Variants in ACCS observed in about 807,000 individuals in gnomAD.
The protein encoded by ACCS is 1-aminocyclopropane-1-carboxylate synthase homolog (inactive).
Under a neutral mutation model 59.8 loss-of-function variants are expected in ACCS, and 42 were observed. The observed-to-expected ratio is 0.70, with a 90% confidence interval of 0.55 to 0.91. The LOEUF is 0.91. ACCS is among the 40% of genes least tolerant of loss of function. The pLI is 0.00. For missense variants in ACCS, 602 were observed against 630.4 expected, an observed-to-expected ratio of 0.95 and a Z score of 0.48; for synonymous variants, 230 against 240.3, an observed-to-expected ratio of 0.96 and a Z score of 0.40.
rs1953729959 is a variant in ACCS, at chr11:44,083,429, G to A, written c.1260G>A (p.Leu420=). The A allele has an allele frequency of 6.2e-7, 1 of 1,614,040 alleles. No homozygotes were observed. ...FFIWVDLRKY[L]PKGTFEEEML... is the part of the protein sequence containing the mutation. ...AGCCCCTTCCACCCTCTCAGTACCT[G>A]CCCAAGGGCACCTTTGAGGAGGAAA... The change falls in exon 14 of 15, where the codon CTG becomes CTA. Residue 420 remains leucine (L), a synonymous_variant. Transcript: ENST00000263776.
intron 5 of ACCS, among the ~76,000 whole-genome samples, 163 bp downstream of exon 5, chr11:44,074,844 A>G (rs1406727392): frequency 1.7e-5 from 2 of 115,500 alleles, no homozygotes; most frequent in Non-Finnish European, 3.4e-5. Flanking sequence ...TTATTTTTTC[A>G]GACTGACTCT....
intron 10 of ACCS, among the ~76,000 whole-genome samples, chr11:44,079,870 G>A (rs1953558183): frequency 6.6e-6 from 1 of 152,220 alleles, no homozygotes; most frequent in African/African-American, 2.4e-5. Flanking sequence ...AGGGCTGAGT[G>A]GATGGCAAAT....
chr11:44,072,207 G>C (rs1953086230), intron 3 of ACCS: 1 of 142,218 alleles, frequency 7.0e-6, no homozygotes, highest in Non-Finnish European at 1.5e-5. Flanking sequence ...GCCCAGGCTG[G>C]AGTGTAGTGG....
At chr11:44,075,881 A>G in intron 6 of ACCS, 1 of 358,802 alleles carries the variant, frequency 2.8e-6, no homozygotes, top group Non-Finnish European at 5.1e-6. Flanking sequence ...TAGAGCAGGA[A>G]GAAAGGGATG....
intron 2 of ACCS, among the ~76,000 whole-genome samples, chr11:44,070,383 G>A (rs910498665): frequency 3.9e-5 from 6 of 152,142 alleles, no homozygotes; most frequent in African/African-American, 1.2e-4. Flanking sequence ...GTTGGACTGT[G>A]CATGTGTTTT....
chr11:44,074,214 G>A (rs368272214), intron 4 of ACCS, among the ~76,000 whole-genome samples: 5 of 151,068 alleles, frequency 3.3e-5, no homozygotes, highest in East Asian at 1.9e-4. Context: ...AGTAGTAGCC[G>A]CATCATAGGA....
At chr11:44,073,940 G>A (rs1953186805) in intron 4 of ACCS, among the ~76,000 whole-genome samples, 1 of 152,196 alleles carries the variant, frequency 6.6e-6, no homozygotes, top group African/African-American at 2.4e-5. Flanking sequence ...AAGAGGGGAG[G>A]TGGTAAATAA....
chr11:44,069,611 A>T (rs1249587115), intron 2 of ACCS, among the ~76,000 whole-genome samples: 1 of 152,198 alleles, frequency 6.6e-6, no homozygotes, highest in Non-Finnish European at 1.5e-5. Context: ...TGAAAGGTTG[A>T]CTTGGGGCCA....
At chr11:44,076,684 C>T (rs1452182567) in intron 6 of ACCS, among the ~76,000 whole-genome samples, 1 of 152,198 alleles carries the variant, frequency 6.6e-6, no homozygotes, top group Non-Finnish European at 1.5e-5. Flanking sequence ...GTGCATTTCC[C>T]ATCACGTCGT....
At position 44,075,612 on chromosome 11, in the gene ACCS, T is replaced by C; in HGVS notation, c.556+20T>C. 2 of 1,612,772 alleles carry C rather than the reference T, an allele frequency of 1.2e-6. No individual in the cohort carries two copies. Among genetic ancestry groups the C allele is most frequent in the Non-Finnish European group, 1.7e-6 (2 of 1,179,466 alleles). ...CCGGGGGTAAGTGAGCTCTGTGGCC[T>C]GCCCCGCACTGTGAGCCTCATTGTG... On this transcript the variant is annotated intron_variant, in intron 6 of 14. Coordinates refer to ENST00000263776, the MANE Select transcript of ACCS (RefSeq NM_032592.4).
In ACCS at chr11:44,081,163, G is replaced by T. The variant is rs1277065149; in HGVS notation, c.970-16G>T. Reference sequence around the variant, plus strand: ...CATGGAGGGCTGGCCACCGCCTAGGGTGCTTCTTCCTGCAGGACTTCGGGA... The same window carrying T: ...CATGGAGGGCTGGCCACCGCCTAGGTTGCTTCTTCCTGCAGGACTTCGGGA... On this transcript the variant is annotated splice_polypyrimidine_tract_variant and intron_variant, in intron 11 of 14. Transcript: ENST00000263776. The T allele has an allele frequency of 6.2e-7, 1 of 1,614,222 alleles. No individual in the cohort carries two copies. The highest frequency in any genetic ancestry group is 1.1e-5 in the South Asian group (1 of 91,084).
At chr11:44,079,459 T>C (rs1019982322) in intron 9 of ACCS, 72 bp from the exon 10 acceptor site, 2 of 1,326,726 alleles carry the variant, frequency 1.5e-6, no homozygotes, top group Non-Finnish European at 2.1e-6. Flanking sequence ...TCTGATGTAT[T>C]ACCTCCCCAC....
intron 10 of ACCS, among the ~76,000 whole-genome samples, chr11:44,080,256 G>A (rs921929400): frequency 3.9e-5 from 6 of 152,198 alleles, no homozygotes; most frequent in East Asian, 3.9e-4. Flanking sequence ...CAGATCATGT[G>A]GGTAGTCTGT....
rs930064013 is a variant in ACCS at position 44,077,891 on chromosome 11, T to C, written c.701T>C (p.Leu234Pro). The part of the protein sequence containing the change: ...TRPFQLTVEK[L>P]EMALREAHSE... ...CCCTTCCAGCTCACAGTGGAGAAGC[T>C]GGAGATGGCCCTGAGAGAAGCTCAC... Residue 234 changes from leucine to proline, a missense_variant, in exon 8 of 15, where the codon CTG becomes CCG. Physicochemically the swap from Leu to Pro is moderately conservative, Grantham distance 98 (BLOSUM62 -3). Transcript: ENST00000263776. 4 of 1,614,044 alleles carry C rather than the reference T, an allele frequency of 2.5e-6. No homozygotes were observed. In the East Asian group the frequency reaches 8.9e-5, roughly 36 times the overall value.
At chr11:44,077,776 A>G in intron 7 of ACCS, 69 bp from the exon 8 acceptor site, 5 of 1,572,056 alleles carry the variant, frequency 3.2e-6, no homozygotes, top group Non-Finnish European at 4.3e-6. Context: ...GAGGCCTGAG[A>G]GTTCATATGT....
chr11:44,077,501 C>T, intron 7 of ACCS, 125 bp downstream of exon 7: 5 of 1,502,324 alleles, frequency 3.3e-6, no homozygotes, highest in Non-Finnish European at 3.5e-6. Flanking sequence ...ATGGAGCCTT[C>T]TGTTGCTGCA....
rs775734725 is a variant in ACCS at position 44,071,287 on chromosome 11, A to C, written c.320A>C (p.Lys107Thr). 1.2e-6 allele frequency: 2 copies of C among 1,614,076 alleles called. No individual in the cohort carries two copies. Among genetic ancestry groups the C allele is most frequent in the Non-Finnish European group, 1.7e-6 (2 of 1,179,990 alleles). Residue 107 changes from lysine to threonine, a missense_variant, in exon 3 of 15, where the codon AAA (lysine) becomes ACA (threonine). Physicochemically the swap from Lys to Thr is moderately conservative, Grantham distance 78. Coordinates refer to ENST00000263776, the MANE Select transcript of ACCS (RefSeq NM_032592.4). ...ATTAACTTGGGCACCAGTGAGAACA[A>C]ACTCTGCTTTGACCTGCTGTCCTGG... Reference protein sequence around the residue: ...GIINLGTSENKLCFDLLSWRL... With the variant: ...GIINLGTSENTLCFDLLSWRL...
chr11:44,079,218 G>A (rs1019423050), intron 9 of ACCS: 12 of 409,928 alleles, frequency 2.9e-5, no homozygotes, highest in Non-Finnish European at 5.4e-5. Flanking sequence ...GGTCAAGTGA[G>A]GGGTGGATCC....
chr11:44,067,981 C>A (rs1487837178), intron 2 of ACCS, 66 bp downstream of exon 2: 3 of 1,490,990 alleles, frequency 2.0e-6, no homozygotes, highest in Non-Finnish European at 2.7e-6. Context: ...CCTACCTTGA[C>A]CAATAAGGCA....
Sources: allele counts gnomAD v4.1 joint callset (sites outside exome capture counted in the v4.1 genomes callset), GRCh38; gene constraint gnomAD v4.1.1; transcripts MANE v1.5; gene names NCBI Gene and HGNC (gene_info 2026-07-23, HGNC 2026-07-21).